The following KLHL2 variants were observed in gnomAD, a reference collection of about 807,000 sequenced individuals.
KLHL2 encodes kelch like family member 2, also known as kelch-like protein 2.
In KLHL2, 15 loss-of-function variants were observed where a neutral mutation model predicts 75.8. The observed-to-expected ratio is 0.20, with a 90% CI of 0.13 to 0.30. The LOEUF is 0.30. Ranked by LOEUF, KLHL2 falls within the 10% of genes least tolerant of loss-of-function variation. The probability of loss-of-function intolerance (pLI) is 1.00; values close to 1 mark genes in which losing one functional copy is unlikely to be tolerated. For synonymous variants in KLHL2, 214 were observed against 251.9 expected, an observed-to-expected ratio of 0.85 and a Z score of 1.42; for missense variants, 381 against 741.0, an observed-to-expected ratio of 0.51 and a Z score of 5.64.
chr4:165,311,392 G>C (rs910406698), intron 10 of KLHL2, 72 bp from the exon 11 acceptor site: 2 of 1,055,650 alleles, frequency 1.9e-6, no homozygotes, highest in Admixed American at 2.1e-5. Flanking sequence ...CATACCTGAA[G>C]TATTTTTCCA....
chr4:165,264,288 C>T (rs951265431), intron 5 of KLHL2, among the ~76,000 whole-genome samples: 3 of 150,914 alleles, frequency 2.0e-5, no homozygotes, highest in Admixed American at 1.3e-4. Context: ...TGTATAGTCA[C>T]GAGGTCTGGG....
chr4:165,220,026 A>G lies in KLHL2; in HGVS notation c.119A>G (p.Lys40Arg). 1.9e-6 allele frequency: 3 copies of G among 1,611,002 alleles called. No homozygotes were observed. The highest frequency in any genetic ancestry group is 2.5e-6 in the Non-Finnish European group (3 of 1,179,250). The change falls in exon 2 of 15, where the codon AAG becomes AGG. Residue 40 changes from lysine (K) to arginine (R), a missense_variant. Physicochemically the swap from Lys to Arg is conservative, Grantham distance 26. Around this residue, in one of 5 missense-constraint regions of KLHL2, gnomAD observed 48 missense variants for 88.9 expected, o/e 0.54. Coordinates refer to ENST00000226725, the MANE Select transcript of KLHL2 (RefSeq NM_007246.4). ...CPVTVNPWHM[K>R]KAFKVMNELR... ...GTGACAGTGAATCCTTGGCATATGA[A>G]GAAAGCTTTCAAAGTCATGAACGAA...
chr4:165,208,225 G>T (rs1736965795), intron 1 of KLHL2, among the ~76,000 whole-genome samples: 1 of 152,118 alleles, frequency 6.6e-6, no homozygotes. Flanking sequence ...ATGGGCACCT[G>T]GTGCCGAGTT....
At chr4:165,226,819 G>T (rs747622434) in intron 2 of KLHL2, among the ~76,000 whole-genome samples, 2 of 152,058 alleles carry the variant, frequency 1.3e-5, no homozygotes, top group Non-Finnish European at 2.9e-5. Flanking sequence ...TAGGTTTTGT[G>T]TAGTGGTCAA....
At chr4:165,239,767 C>T (rs1248409435) in intron 4 of KLHL2, among the ~76,000 whole-genome samples, 2 of 152,192 alleles carry the variant, frequency 1.3e-5, no homozygotes, top group African/African-American at 2.4e-5. Context: ...TACCCCAGTC[C>T]ACATACATTG....
chr4:165,242,657 C>T (rs530420865), intron 4 of KLHL2, among the ~76,000 whole-genome samples: 34 of 152,038 alleles, frequency 2.2e-4, no homozygotes, highest in Non-Finnish European at 4.1e-4. Flanking sequence ...CCATCACGCC[C>T]GGCTAATTTT....
chr4:165,212,904 A>C (rs1247658747), intron 1 of KLHL2, among the ~76,000 whole-genome samples: 1 of 152,122 alleles, frequency 6.6e-6, no homozygotes, highest in Admixed American at 6.6e-5. Flanking sequence ...TCTATATCTT[A>C]AGTCGGGGCT....
At position 165,317,936 on chromosome 4, in the gene KLHL2, T is replaced by C; in HGVS notation, c.1720T>C (p.Ser574Pro). Residue 574 changes from serine to proline, a missense_variant, in exon 14 of 15, where the codon TCA becomes CCA. Around this residue, in one of 5 missense-constraint regions of KLHL2, gnomAD observed 168 missense variants for 370.4 expected, o/e 0.45. Coordinates refer to ENST00000226725, the MANE Select transcript of KLHL2 (RefSeq NM_007246.4). The part of the protein sequence containing the change: ...NPTTDKWTVV[S>P]SCMSTGRSYA... ...AACAACCGATAAATGGACAGTTGTG[T>C]CATCGTGTATGAGCACAGGGAGAAG... The C allele has an allele frequency of 6.2e-7, 1 of 1,614,010 alleles. No individual in the cohort carries two copies. The highest frequency in any genetic ancestry group is 1.1e-5 in the South Asian group (1 of 91,064).
At position 165,308,585 on chromosome 4, in the gene KLHL2, T is replaced by C. The variant is rs1745909788; in HGVS notation, c.1040-1968T>C. The stretch of plus-strand genomic sequence containing the variant: ...ACCCAGAGCCTTTGGTAGGGGGCAC[T>C]TCATAGATTGATTCATTTATTTTCT... On this transcript the variant is annotated intron_variant, in intron 9 of 14. Coordinates refer to ENST00000226725, the MANE Select transcript of KLHL2 (RefSeq NM_007246.4). Among the ~76,000 whole-genome samples, 3 of 152,322 alleles carry C rather than the reference T, an allele frequency of 2.0e-5. No homozygotes were observed. In the South Asian group the frequency reaches 6.2e-4, roughly 32 times the overall value.
intron 9 of KLHL2, among the ~76,000 whole-genome samples, chr4:165,309,563 A>G (rs1745993087): frequency 1.3e-5 from 2 of 152,210 alleles, no homozygotes; most frequent in South Asian, 4.1e-4. Context: ...ACAGCTTCTT[A>G]TCTACTGCTA....
intron 8 of KLHL2, among the ~76,000 whole-genome samples, chr4:165,300,208 A>G (rs1745241840): frequency 6.6e-6 from 1 of 152,072 alleles, no homozygotes; most frequent in Admixed American, 6.5e-5. Flanking sequence ...GAATCACCTG[A>G]ACCCAGGAGG....
chr4:165,310,837 A>C, intron 10 of KLHL2, 87 bp downstream of exon 10: 1 of 1,032,282 alleles, frequency 9.7e-7, no homozygotes, highest in Non-Finnish European at 1.5e-6. Flanking sequence ...ACATTAGGGC[A>C]CATGTGAGGT....
chr4:165,319,795 AATTTTTATT>A lies in KLHL2; in HGVS notation c.1753+1842_1753+1850del, dbSNP rs955407060. Among the ~76,000 whole-genome samples the A allele has an allele frequency of 2.6e-5, 4 of 151,532 alleles. No homozygotes were observed. The highest frequency in any genetic ancestry group is 2.9e-5 in the Non-Finnish European group (2 of 67,902). On this transcript the variant is annotated intron_variant, in intron 14 of 14. Transcript: ENST00000226725. This position sits in a 1 kb window ranked among gnomAD's most constrained non-coding sequence, Gnocchi z 4.5. ...TGCCACCACACCTGGCTAATTTTTA[AATTTTTATT>A]ATTTTTATTATTTTTGACTTTTTGG...
intron 4 of KLHL2, among the ~76,000 whole-genome samples, chr4:165,241,714 C>T (rs1739831763): frequency 6.6e-6 from 1 of 152,162 alleles, no homozygotes; most frequent in South Asian, 2.1e-4. Context: ...TGTTGGCAGT[C>T]AGTTGGCGAC....
At chr4:165,229,811 C>T (rs892698351) in intron 3 of KLHL2, among the ~76,000 whole-genome samples, 4 of 152,240 alleles carry the variant, frequency 2.6e-5, no homozygotes, top group Non-Finnish European at 5.9e-5. Context: ...AGGATTTCCC[C>T]AGACCTGATG....
In KLHL2 at chr4:165,319,835, G is replaced by T. The variant is rs1468963453; in HGVS notation, c.1753+1866G>T. Reference sequence around the variant, plus strand: ...TATTATTTTTGACTTTTTGGTTTTGGTTTTTGGTGGGTGCAGGATTGCTGT... The same window carrying T: ...TATTATTTTTGACTTTTTGGTTTTGTTTTTTGGTGGGTGCAGGATTGCTGT... On this transcript the variant is annotated intron_variant, in intron 14 of 14. Transcript: ENST00000226725. The surrounding 1 kb of genome is among the most constrained non-coding windows in gnomAD (Gnocchi z 4.5). Among the ~76,000 whole-genome samples, 1 of 151,690 alleles carries T rather than the reference G, an allele frequency of 6.6e-6. No homozygotes were observed. Among genetic ancestry groups the T allele is most frequent in the Admixed American group, 6.6e-5 (1 of 15,202 alleles).
At chr4:165,234,640 G>T (rs1579007202) in intron 3 of KLHL2, among the ~76,000 whole-genome samples, 4 of 128,904 alleles carry the variant, frequency 3.1e-5, no homozygotes, top group Middle Eastern at 4.5e-3. Flanking sequence ...TTTTTGAGAT[G>T]GAGTCTCGCT....
intron 4 of KLHL2, among the ~76,000 whole-genome samples, chr4:165,251,855 C>G (rs1000705704): frequency 6.6e-6 from 1 of 151,890 alleles, no homozygotes; most frequent in Admixed American, 6.5e-5. Flanking sequence ...GTGATCCGCC[C>G]GCCTCGGCCT....
chr4:165,238,390 G>A (rs1467556386), intron 3 of KLHL2, among the ~76,000 whole-genome samples: 1 of 152,102 alleles, frequency 6.6e-6, no homozygotes, highest in East Asian at 1.9e-4. Flanking sequence ...TTCAGCAGCT[G>A]TTCATTGCTA....
Sources: gnomAD v4.1 joint callset for allele counts (sites outside exome capture counted in the v4.1 genomes callset) on GRCh38, gnomAD v4.1.1 for gene constraint, gnomAD v4.1.1 regional missense constraint, Gnocchi (gnomAD v3.1) non-coding constraint, MANE v1.5 for transcripts, NCBI Gene and HGNC (gene_info 2026-07-23, HGNC 2026-07-21) for gene names.